The following TRIOBP variants were observed in gnomAD, a reference collection of about 807,000 sequenced individuals.
TRIOBP encodes TRIO and F-actin binding protein.
A neutral mutation model predicts 238.8 loss-of-function variants in TRIOBP; 169 were observed. The ratio of observed to expected loss-of-function variants is 0.71; its 90% CI spans 0.62 to 0.80. The LOEUF (loss-of-function observed/expected upper bound fraction) is 0.80. TRIOBP is among the 30% of genes least tolerant of loss of function. TRIOBP has a pLI of 0.00. For missense variants in TRIOBP, 2,838 were observed against 3,122.6 expected, an observed-to-expected ratio of 0.91 and a Z score of 2.17; for synonymous variants, 1,150 against 1,274.4, an observed-to-expected ratio of 0.90 and a Z score of 2.08.
chr22:37,726,563 G>A, intron 7 of TRIOBP, 60 bp downstream of exon 7: 2 of 1,411,160 alleles, frequency 1.4e-6, no homozygotes, highest in Admixed American at 5.9e-5. Flanking sequence ...AGCAGGACAG[G>A]TGAAGGGTTA....
chr22:37,725,013 T>C lies in TRIOBP; in HGVS notation c.2457T>C (p.Ile819=). Residue 819 remains isoleucine (I), a synonymous_variant, in exon 7 of 24, where the codon ATT becomes ATC. Coordinates refer to ENST00000644935, the MANE Select transcript of TRIOBP (RefSeq NM_001039141.3). Reference sequence around the variant, plus strand: ...AACAGGACAACCCCAGAACTTGTATTCAACAGAACATCCCCAGATCATCTT... The same window carrying C: ...AACAGGACAACCCCAGAACTTGTATCCAACAGAACATCCCCAGATCATCTT... ...ATQQDNPRTC[I]QQNIPRSSST... The C allele has an allele frequency of 1.2e-6, 2 of 1,613,960 alleles. No individual in the cohort carries two copies. The highest frequency in any genetic ancestry group is 1.6e-4 in the Middle Eastern group (1 of 6,062).
At chr22:37,708,012 C>T (rs1923036619) in intron 3 of TRIOBP, among the ~76,000 whole-genome samples, 2 of 149,838 alleles carry the variant, frequency 1.3e-5, no homozygotes, top group South Asian at 2.1e-4. Context: ...TTTGGGAGGC[C>T]GAGGCGGGCG....
rs1926937657 is a variant in TRIOBP at position 37,774,307 on chromosome 22, C to T, written c.*527C>T. ...GGGAGAGGCGGGAGCCTGCCACCCT[C>T]TTCCTGCCCTACCTCCTACTAACAC... On this transcript the variant is annotated 3_prime_UTR_variant, in exon 24 of 24. Transcript: ENST00000644935. 1 of 152,338 alleles carries T rather than the reference C, an allele frequency of 6.6e-6. No individual in the cohort carries two copies. Among genetic ancestry groups the T allele is most frequent in the African/African-American group, 2.4e-5 (1 of 41,416 alleles). The allele number at this position is 152,338 out of a possible 1,614,324, so 9.4% of individuals were successfully genotyped here.
At chr22:37,740,055 A>T (rs956049280) in intron 10 of TRIOBP, among the ~76,000 whole-genome samples, 2 of 152,222 alleles carry the variant, frequency 1.3e-5, no homozygotes, top group African/African-American at 4.8e-5. Flanking sequence ...CAAAGAGTTC[A>T]GTCTAGTGAG....
rs1924607698 is a variant in TRIOBP, at chr22:37,735,104, C to T, written c.4768C>T (p.Gln1590Ter). The change falls in exon 9 of 24, where the codon CAG (glutamine) becomes TAG (stop). Residue 1590 changes from glutamine (Q) to a stop codon, truncating the protein, a stop_gained. Transcript: ENST00000644935. LOFTEE classifies it high-confidence loss of function. The stretch of plus-strand genomic sequence containing the variant: ...CTGGGAGGGCCTCTTGGAGCTCCTG[C>T]AGGCCAGGCTGCCCCGCAAGGACCC... ...LDWEGLLELL[Q>*]ARLPRKDPAG... is the part of the protein sequence containing the mutation. The T allele has an allele frequency of 8.7e-6, 14 of 1,607,168 alleles. No homozygotes were observed. Among genetic ancestry groups the T allele is most frequent in the African/African-American group, 1.3e-5 (1 of 74,802 alleles).
rs900557221 is a variant in TRIOBP at position 37,757,591 on chromosome 22, C to T, written c.5688-22C>T. 1.7e-5 allele frequency: 27 copies of T among 1,563,652 alleles called. No homozygotes were observed. The Middle Eastern group carries it at 6.6e-4, about 38-fold the overall frequency. ...ACTGCAGGGGTGAGGACCCACCTGACGTGGCTCTGCTGGTGCCCTAGGCTC... is the reference window on the plus strand; with the variant it reads ...ACTGCAGGGGTGAGGACCCACCTGATGTGGCTCTGCTGGTGCCCTAGGCTC... On this transcript the variant is annotated intron_variant, in intron 15 of 23. Coordinates refer to ENST00000644935, the MANE Select transcript of TRIOBP (RefSeq NM_001039141.3).
Position 37,713,313 on chromosome 22 carries a change from ACTTC to A in TRIOBP, c.362_365del (p.Ser121CysfsTer51). ...AGTACCCTATCTGGAGGGCCTGACC[ACTTC>A]CTTGTGTGGCAGCTGCAACGAGGAC... On this transcript the variant is annotated frameshift_variant, in exon 5 of 24. Coordinates refer to ENST00000644935, the MANE Select transcript of TRIOBP (RefSeq NM_001039141.3). LOFTEE classifies it high-confidence loss of function. 1 of 1,613,944 alleles carries A rather than the reference ACTTC, an allele frequency of 6.2e-7. No homozygotes were observed. Among genetic ancestry groups the A allele is most frequent in the Non-Finnish European group, 8.5e-7 (1 of 1,179,900 alleles).
In TRIOBP at chr22:37,713,383, CT is replaced by C; in HGVS notation, c.429del (p.Asp144MetfsTer29). 1.9e-6 allele frequency: 3 copies of C among 1,613,772 alleles called. No homozygotes were observed. The highest frequency in any genetic ancestry group is 2.5e-6 in the Non-Finnish European group (3 of 1,180,002). On this transcript the variant is annotated frameshift_variant, in exon 5 of 24. Coordinates refer to ENST00000644935, the MANE Select transcript of TRIOBP (RefSeq NM_001039141.3). LOFTEE classifies it high-confidence loss of function. ...ACCTCCAGCCCTGACTCCGCCACCC[CT>C]GATGATACCAGCAACTCGTCCTCTG... ...DPTSSPDSATPDDTSNSSSVD... is the reference protein window; with the variant it reads ...DPTSSPDSATXDDTSNSSSVD...
chr22:37,765,104 A>C (rs1353165688), intron 17 of TRIOBP, among the ~76,000 whole-genome samples: 2 of 152,172 alleles, frequency 1.3e-5, no homozygotes, highest in East Asian at 3.9e-4. Flanking sequence ...AACACAGTGA[A>C]ACCCCATCTC....
intron 12 of TRIOBP, among the ~76,000 whole-genome samples, chr22:37,754,279 C>T (rs535759605): frequency 2.6e-5 from 4 of 152,126 alleles, no homozygotes; most frequent in East Asian, 3.9e-4. Flanking sequence ...AGCATGATGG[C>T]GGGCGCCTGT....
At chr22:37,711,722 A>G (rs1181220924) in intron 4 of TRIOBP, among the ~76,000 whole-genome samples, 3 of 151,872 alleles carry the variant, frequency 2.0e-5, no homozygotes, top group East Asian at 1.9e-4. Flanking sequence ...AGGACTTGTC[A>G]GAGCCTTTAG....
At chr22:37,756,719 C>T (rs1477588136) in intron 15 of TRIOBP, among the ~76,000 whole-genome samples, 3 of 152,242 alleles carry the variant, frequency 2.0e-5, no homozygotes, top group Non-Finnish European at 2.9e-5. Flanking sequence ...AGCCTATAGT[C>T]ACATGGCTAC....
At chr22:37,763,088 G>T (rs916293381) in intron 17 of TRIOBP, among the ~76,000 whole-genome samples, 3 of 152,174 alleles carry the variant, frequency 2.0e-5, no homozygotes, top group Non-Finnish European at 4.4e-5. Context: ...CCTGATGTCA[G>T]CCCCTGCACC....
In TRIOBP at chr22:37,743,443, T is replaced by C. The variant is rs189530513; in HGVS notation, c.5322+2411T>C. Among the ~76,000 whole-genome samples the C allele has an allele frequency of 1.4e-4, 21 of 152,364 alleles. No homozygotes were observed. The East Asian group carries it at 4.0e-3, about 29-fold the overall frequency. ...ACTCACCCCTGGGTCCCTGAGGCTG[T>C]GCTGTCTCTGACCTGCCAGGATGAG... On this transcript the variant is annotated intron_variant, in intron 11 of 23. Coordinates refer to ENST00000644935, the MANE Select transcript of TRIOBP (RefSeq NM_001039141.3).
At chr22:37,769,000 G>A (rs765687993) in intron 19 of TRIOBP, 28 bp from the exon 20 acceptor site, 2 of 1,612,850 alleles carry the variant, frequency 1.2e-6, no homozygotes, top group South Asian at 2.2e-5. Context: ...GACAACCTAT[G>A]CTCTCCTCTG....
rs1423583195 is a variant in TRIOBP at position 37,725,866 on chromosome 22, G to A, written c.3310G>A (p.Glu1104Lys). The A allele has an allele frequency of 5.0e-6, 8 of 1,599,234 alleles. No individual in the cohort carries two copies. The highest frequency in any genetic ancestry group is 2.3e-5 in the East Asian group (1 of 44,288). Reference sequence around the variant, plus strand: ...GCATCAGTGTCAGTCCCCCCAACACGAGCCCCTTCAGCTCCCTGCACCTGT... The same window carrying A: ...GCATCAGTGTCAGTCCCCCCAACACAAGCCCCTTCAGCTCCCTGCACCTGT... ...AEHQCQSPQH[E>K]PLQLPAPVCI... Residue 1104 changes from glutamate (E) to lysine (K), a missense_variant, in exon 7 of 24, where the codon GAG (glutamate) becomes AAG (lysine). Around this residue, in one of 5 missense-constraint regions of TRIOBP, gnomAD observed 2,096 missense variants for 2,137.4 expected, o/e 0.98. Transcript: ENST00000644935.
chr22:37,746,357 G>A lies in TRIOBP; in HGVS notation c.5322+5325G>A, dbSNP rs1223950429. The A allele has an allele frequency of 1.1e-5, 13 of 1,220,084 alleles. No homozygotes were observed. Among genetic ancestry groups the A allele is most frequent in the Admixed American group, 4.1e-5 (1 of 24,514 alleles). 75.6% of individuals were successfully genotyped at this position (1,220,084 alleles called of 1,614,324 possible). A position where few individuals can be genotyped will look rare whatever the true frequency, so the allele number is the denominator to read the frequency against. On this transcript the variant is annotated intron_variant, in intron 11 of 23. Transcript: ENST00000644935. ...GCGGGGTTCCCGCGCCGCGGAGCCC[G>A]GCCCGAGAGCCGCGTCCACGTTCCT...
chr22:37,748,214 TC>T (rs1383379455), intron 11 of TRIOBP, among the ~76,000 whole-genome samples: 1 of 152,150 alleles, frequency 6.6e-6, no homozygotes, highest in Non-Finnish European at 1.5e-5. Context: ...TTAATAGTGT[TC>T]ATTGAGTTCA....
intron 11 of TRIOBP, among the ~76,000 whole-genome samples, chr22:37,749,840 G>A (rs1001448137): frequency 3.2e-4 from 48 of 151,030 alleles, no homozygotes; most frequent in Admixed American, 3.3e-4. Flanking sequence ...ATGTCGTCCC[G>A]GCTACTTGGA....
Sources: gnomAD v4.1 joint callset for allele counts (sites outside exome capture counted in the v4.1 genomes callset) on GRCh38, gnomAD v4.1.1 for gene constraint, gnomAD v4.1.1 regional missense constraint, MANE v1.5 for transcripts, NCBI Gene and HGNC (gene_info 2026-07-23, HGNC 2026-07-21) for gene names.